ANAPC2: variants seen among roughly 807,000 people sequenced by gnomAD.
ANAPC2 encodes the protein anaphase promoting complex subunit 2.
ANAPC2 carries 29 observed loss-of-function variants against 84.3 expected under a neutral mutation model. The ratio of observed to expected loss-of-function variants is 0.34; its 90% CI spans 0.26 to 0.47. The LOEUF is 0.47. Among genes scored for constraint, ANAPC2 ranks in the 20% least tolerant of loss-of-function variants. The probability of loss-of-function intolerance (pLI) is 1.00; values close to 1 mark genes in which losing one functional copy is unlikely to be tolerated. For missense variants in ANAPC2, 857 were observed against 1,131.7 expected, an observed-to-expected ratio of 0.76 and a Z score of 3.48; for synonymous variants, 571 against 479.4, an observed-to-expected ratio of 1.19 and a Z score of -2.50.
rs539862354 is a variant in ANAPC2 at position 137,182,625 on chromosome 9, G to C, written c.1286+500C>G. Among the ~76,000 whole-genome samples the C allele has an allele frequency of 1.5e-4, 23 of 152,322 alleles. No individual in the cohort carries two copies. In the South Asian group the frequency reaches 4.6e-3, roughly 30 times the overall value. On this transcript the variant is annotated intron_variant, in intron 6 of 12. Coordinates refer to ENST00000323927, the MANE Select transcript of ANAPC2 (RefSeq NM_013366.4). ...ACCGGCTCCTGCTGCTCGGCTCCTG[G>C]GGGCCACTGTGCCTGCCAGCCCCGG...
At chr9:137,184,561 C>T (rs1008122626) in intron 4 of ANAPC2, among the ~76,000 whole-genome samples, 3 of 138,940 alleles carry the variant, frequency 2.2e-5, no homozygotes, top group Admixed American at 1.5e-4. Context: ...GACGCAGACA[C>T]AGGGAGCCCA....
At position 137,187,270 on chromosome 9, in the gene ANAPC2, C is replaced by T. The variant is rs531172036; in HGVS notation, c.740+211G>A. ...AAGCCACATAGGGCCTTACCAGGGT[C>T]AAGGCATGAATCTGTGGGACTGAAG... On this transcript the variant is annotated intron_variant, in intron 2 of 12. Transcript: ENST00000323927. 271 of 649,404 alleles carry T rather than the reference C, an allele frequency of 4.2e-4. No homozygotes were observed. In the Middle Eastern group the frequency reaches 6.0e-3, roughly 14 times the overall value. The allele number at this position is 649,404 out of a possible 1,614,324, so 40.2% of individuals were successfully genotyped here.
At chr9:137,186,550 G>GTGCTCTGTGCT in intron 2 of ANAPC2, 194 bp from the exon 3 acceptor site, 2 of 744,664 alleles carry the variant, frequency 2.7e-6, no homozygotes, top group Non-Finnish European at 4.2e-6. Context: ...GCCACTGGGA[G>GTGCTCTGTGCT]CACAGAGCAC....
At chr9:137,184,861 T>A (rs1834426483) in intron 4 of ANAPC2, 52 bp downstream of exon 4, 1 of 1,595,356 alleles carries the variant, frequency 6.3e-7, no homozygotes, top group East Asian at 2.2e-5. Flanking sequence ...GGGAAGGCCC[T>A]GGGAAGACTC....
chr9:137,177,795 T>TA (rs1296964624), intron 10 of ANAPC2, among the ~76,000 whole-genome samples: 2 of 152,052 alleles, frequency 1.3e-5, no homozygotes, highest in African/African-American at 4.8e-5. Context: ...CACCCTGGAA[T>TA]AGAGAGAGTG....
chr9:137,179,657 A>T (rs1834298543), intron 10 of ANAPC2, among the ~76,000 whole-genome samples: 1 of 152,164 alleles, frequency 6.6e-6, no homozygotes, highest in Non-Finnish European at 1.5e-5. Flanking sequence ...CCCGGTCCTC[A>T]AGTACCACTG....
chr9:137,183,046 C>T (rs938536494), intron 6 of ANAPC2, 79 bp downstream of exon 6: 64 of 1,196,170 alleles, frequency 5.4e-5, no homozygotes, highest in Non-Finnish European at 6.4e-5. Context: ...ACACACCCTC[C>T]GGCTGCCCCC....
chr9:137,186,980 G>T (rs570082000), intron 2 of ANAPC2: 1 of 172,266 alleles, frequency 5.8e-6, no homozygotes, highest in Non-Finnish European at 1.3e-5. Context: ...AATGGCCAAG[G>T]GTATGACAAT....
chr9:137,175,906 TG>T lies in ANAPC2; in HGVS notation c.1891-70del, dbSNP rs1834198383. 8.7e-6 allele frequency: 13 copies of T among 1,500,494 alleles called. No homozygotes were observed. The East Asian group carries it at 3.0e-4, about 34-fold the overall frequency. 92.9% of individuals were successfully genotyped at this position (1,500,494 alleles called of 1,614,324 possible). A position where few individuals can be genotyped will look rare whatever the true frequency, so the allele number is the denominator to read the frequency against. ...GCTCAGGCCCGTGGGCTCTGCCACC[TG>T]GTACCAGTGAGAAAGGGGCTCCCAG... On this transcript the variant is annotated intron_variant, in intron 10 of 12. Transcript: ENST00000323927.
At position 137,183,379 on chromosome 9, in the gene ANAPC2, C is replaced by G. The variant is rs182552473; in HGVS notation, c.1169-137G>C. 5 of 824,486 alleles carry G rather than the reference C, an allele frequency of 6.1e-6. No individual in the cohort carries two copies. The East Asian group carries it at 7.4e-5, about 12-fold the overall frequency. 51.1% of individuals were successfully genotyped at this position (824,486 alleles called of 1,614,324 possible). On this transcript the variant is annotated intron_variant, in intron 5 of 12. Transcript: ENST00000323927. The stretch of plus-strand genomic sequence containing the variant: ...CTGCAGCCTCGTTCCCTTGTCCCCC[C>G]ATCCCCACCTCTACCTGTTCACAGG...
chr9:137,184,322 C>T (rs1051446296), intron 4 of ANAPC2, among the ~76,000 whole-genome samples: 2 of 148,962 alleles, frequency 1.3e-5, no homozygotes, highest in Non-Finnish European at 3.0e-5. Flanking sequence ...GACACAGACA[C>T]AGAGCAGACA....
intron 10 of ANAPC2, among the ~76,000 whole-genome samples, chr9:137,179,271 T>C (rs1279363493): frequency 6.6e-6 from 1 of 152,070 alleles, no homozygotes; most frequent in Non-Finnish European, 1.5e-5. Context: ...CTGGGCACAC[T>C]GGAGGCCTCA....
At chr9:137,183,389 T>C in intron 5 of ANAPC2, 147 bp from the exon 6 acceptor site, 1 of 800,202 alleles carries the variant, frequency 1.2e-6, no homozygotes, top group Non-Finnish European at 2.1e-6. Flanking sequence ...CATCCCCACC[T>C]CTACCTGTTC....
Position 137,187,603 on chromosome 9 carries a change from C to G in ANAPC2, c.618G>C (p.Arg206=), listed in dbSNP as rs1564380085. 3.1e-6 allele frequency: 5 copies of G among 1,613,906 alleles called. No individual in the cohort carries two copies. The highest frequency in any genetic ancestry group is 4.2e-6 in the Non-Finnish European group (5 of 1,180,040). ...GCCGGTAGTACCGGCGACGGGCATACCGGCTGTCCAGCTCCCCTTCCAGTT... is the reference window on the plus strand; with the variant it reads ...GCCGGTAGTACCGGCGACGGGCATAGCGGCTGTCCAGCTCCCCTTCCAGTT... The part of the protein sequence containing the change: ...DPELEGELDS[R]YARRRYYRLL... Residue 206 remains arginine (R), a synonymous_variant, in exon 2 of 13, where the codon CGG becomes CGC. Transcript: ENST00000323927.
intron 5 of ANAPC2, 165 bp downstream of exon 5, chr9:137,183,507 G>T: frequency 9.2e-7 from 1 of 1,090,300 alleles, no homozygotes; most frequent in Non-Finnish European, 1.3e-6. Flanking sequence ...GCAAGCTGAC[G>T]GGCACCTCAG....
At position 137,187,670 on chromosome 9, in the gene ANAPC2, T is replaced by C. The variant is rs761365329; in HGVS notation, c.551A>G (p.Tyr184Cys). 3 of 1,614,058 alleles carry C rather than the reference T, an allele frequency of 1.9e-6. No individual in the cohort carries two copies. Among genetic ancestry groups the C allele is most frequent in the Non-Finnish European group, 2.5e-6 (3 of 1,180,024 alleles). The change falls in exon 2 of 13, where the codon TAT becomes TGT. Residue 184 changes from tyrosine (Y) to cysteine (C), a missense_variant. By Grantham distance (194) the Tyr-to-Cys change is radical. Coordinates refer to ENST00000323927, the MANE Select transcript of ANAPC2 (RefSeq NM_013366.4). ...TTCCCCCTTCCTCTTACTCTGCATA[T>C]AGACTCTCAAGAAGCACCCATACAG... ...QRLYGCFLRVYMQSKRKGEGG... is the reference protein window; with the variant it reads ...QRLYGCFLRVCMQSKRKGEGG...
chr9:137,184,925 T>C lies in ANAPC2; in HGVS notation c.1036A>G (p.Ser346Gly). ...GGGGCAGGACCACCTCGGACGATGCTGAAGAGCTCCTCGATGCGCAGGCTG... is the reference window on the plus strand; with the variant it reads ...GGGGCAGGACCACCTCGGACGATGCCGAAGAGCTCCTCGATGCGCAGGCTG... ...YASLRIEELFSIVRDFPDSRP... is the reference protein window; with the variant it reads ...YASLRIEELFGIVRDFPDSRP... Residue 346 changes from serine (S) to glycine (G), a missense_variant, in exon 4 of 13, where the codon AGC becomes GGC. By Grantham distance (56) the Ser-to-Gly change is moderately conservative (BLOSUM62 0). Around this residue, in one of 3 missense-constraint regions of ANAPC2, gnomAD observed 428 missense variants for 513.8 expected, o/e 0.83. Transcript: ENST00000323927. 2 of 1,612,754 alleles carry C rather than the reference T, an allele frequency of 1.2e-6. No individual in the cohort carries two copies. The highest frequency in any genetic ancestry group is 1.7e-6 in the Non-Finnish European group (2 of 1,179,704).
At chr9:137,179,792 TCCC>T (rs1834301858) in intron 10 of ANAPC2, among the ~76,000 whole-genome samples, 1 of 152,096 alleles carries the variant, frequency 6.6e-6, no homozygotes, top group South Asian at 2.1e-4. Context: ...CCTAGCTGCC[TCCC>T]TGCAGTGACG....
chr9:137,180,127 G>C (rs1221154244), intron 10 of ANAPC2, 54 bp downstream of exon 10: 1 of 1,568,424 alleles, frequency 6.4e-7, no homozygotes, highest in South Asian at 1.1e-5. Context: ...TGGGAGCCCC[G>C]CAGTGCAGGG....
Sources: gnomAD v4.1 joint callset for allele counts (sites outside exome capture counted in the v4.1 genomes callset) on GRCh38, gnomAD v4.1.1 for gene constraint, gnomAD v4.1.1 regional missense constraint, MANE v1.5 for transcripts, NCBI Gene and HGNC (gene_info 2026-07-23, HGNC 2026-07-21) for gene names.